Variants in AGMO observed in about 807,000 individuals in gnomAD.
AGMO encodes glyceryl-ether monooxygenase.
Under a neutral mutation model 60.2 loss-of-function variants are expected in AGMO, and 75 were observed. That is an observed-to-expected ratio of 1.25 (90% confidence interval 1.03 to 1.51). AGMO has a LOEUF of 1.51. Ranked by LOEUF, AGMO falls within the 40% of genes most tolerant of loss-of-function variation. AGMO has a pLI of 0.00. For missense variants in AGMO, 763 were observed against 525.5 expected, an observed-to-expected ratio of 1.45 and a Z score of -4.42; for synonymous variants, 261 against 177.1, an observed-to-expected ratio of 1.47 and a Z score of -3.76.
chr7:15,561,417 C>T (rs572158734), intron 1 of AGMO, among the ~76,000 whole-genome samples: 1 of 152,248 alleles, frequency 6.6e-6, no homozygotes, highest in Non-Finnish European at 1.5e-5. Context: ...AACTATTTGT[C>T]ATTGAGCTTC....
rs192130808 is a variant in AGMO, at chr7:15,304,147, C to G, written c.1263+61367G>C. Among the ~76,000 whole-genome samples, 23 of 152,232 alleles carry G rather than the reference C, an allele frequency of 1.5e-4. No individual in the cohort carries two copies. The East Asian group carries it at 3.9e-3, about 26-fold the overall frequency. ...TTATTCTATGAAATAAGTGGGCTCT[C>G]TGCTCAAAATATTAATAGCTGGAAA... is the stretch of plus-strand genomic sequence containing the variant. On this transcript the variant is annotated intron_variant, in intron 12 of 12. Transcript: ENST00000342526.
At chr7:15,387,665 G>C (rs771158537) in intron 8 of AGMO, 125 bp from the exon 9 acceptor site, 80 of 790,354 alleles carry the variant, frequency 1.0e-4, no homozygotes, top group Non-Finnish European at 1.4e-4. Context: ...TGCCTGATTA[G>C]AGCAACAGAA....
At chr7:15,196,878 A>G (rs562688588), downstream of AGMO, among the ~76,000 whole-genome samples, 4 of 152,334 alleles carry the variant, frequency 2.6e-5, no homozygotes, top group Admixed American at 1.3e-4. Context: ...CTAGAGTTGT[A>G]GAATGTCAAA....
chr7:15,176,516 A>G, the AGMO span, among the ~76,000 whole-genome samples: 1 of 151,954 alleles, frequency 6.6e-6, no homozygotes, highest in Non-Finnish European at 1.5e-5. Context: ...CAACATGAGA[A>G]TAGTTTTTCC....
At chr7:15,454,601 A>ATGTG (rs762911188) in intron 3 of AGMO, among the ~76,000 whole-genome samples, 11 of 151,980 alleles carry the variant, frequency 7.2e-5, no homozygotes, top group Non-Finnish European at 1.0e-4. Context: ...GTGTGTGTGT[A>ATGTG]TGTGTGTGTA....
Position 15,390,729 on chromosome 7 carries a change from T to G in AGMO, c.764A>C (p.Glu255Ala). The G allele has an allele frequency of 6.2e-7, 1 of 1,611,458 alleles. No individual in the cohort carries two copies. The highest frequency in any genetic ancestry group is 8.5e-7 in the Non-Finnish European group (1 of 1,178,270). Residue 255 changes from glutamate (E) to alanine (A), a missense_variant, in exon 8 of 13, where the codon GAA becomes GCA. Coordinates refer to ENST00000342526, the MANE Select transcript of AGMO (RefSeq NM_001004320.2). Reference sequence around the variant, plus strand: ...ATGTGTTAAGCCATATACAACTTTTTCATTTTCTGCTTCAAATGTCCCTGG... The same window carrying G: ...ATGTGTTAAGCCATATACAACTTTTGCATTTTCTGCTTCAAATGTCCCTGG... ...KIFGTFEAEN[E>A]KVVYGLTHPI...
At chr7:15,552,957 G>T (rs1421197835) in intron 2 of AGMO, among the ~76,000 whole-genome samples, 1 of 151,958 alleles carries the variant, frequency 6.6e-6, no homozygotes. Flanking sequence ...TTAAGAAAAT[G>T]TGGCACATAT....
chr7:15,268,988 C>T (rs566943499), intron 12 of AGMO, among the ~76,000 whole-genome samples: 7 of 151,904 alleles, frequency 4.6e-5, no homozygotes, highest in Non-Finnish European at 7.4e-5. Flanking sequence ...GGTGGTGGAT[C>T]GTTTTACAAT....
intron 12 of AGMO, among the ~76,000 whole-genome samples, chr7:15,254,183 G>A (rs1354923026): frequency 6.6e-6 from 1 of 151,918 alleles, no homozygotes; most frequent in African/African-American, 2.4e-5. Context: ...TCTTAATAGT[G>A]CTACAATTTT....
chr7:15,487,121 G>A (rs558243075), intron 3 of AGMO, among the ~76,000 whole-genome samples: 5 of 152,270 alleles, frequency 3.3e-5, no homozygotes, highest in African/African-American at 1.2e-4. Flanking sequence ...TTAAAATAAT[G>A]TTGGGTGAAA....
At chr7:15,345,270 C>A (rs75448203) in intron 12 of AGMO, among the ~76,000 whole-genome samples, 1 of 151,956 alleles carries the variant, frequency 6.6e-6, no homozygotes, top group East Asian at 1.9e-4. Context: ...GCTGTTCTTC[C>A]CATTTTATGG....
intron 3 of AGMO, among the ~76,000 whole-genome samples, chr7:15,461,008 C>T (rs143080797): frequency 0.028 from 4,296 of 152,168 alleles, 80 homozygotes; most frequent in Middle Eastern, 0.041. Context: ...TGTGGGCCTA[C>T]TGTGTGACCT....
At chr7:15,432,333 T>TATATATATATATATACATAC (rs1562504317) in intron 3 of AGMO, among the ~76,000 whole-genome samples, 4 of 135,198 alleles carry the variant, frequency 3.0e-5, no homozygotes, top group African/African-American at 8.4e-5. Context: ...TATATGTATA[T>TATATATATATATATACATAC]ATATATATAT....
chr7:15,345,945 T>C lies in AGMO; in HGVS notation c.1263+19569A>G, dbSNP rs867857230. Among the ~76,000 whole-genome samples the C allele has an allele frequency of 3.7e-4, 56 of 152,106 alleles. 1 individual carries two copies. The highest frequency in any genetic ancestry group is 1.3e-3 in the African/African-American group (52 of 41,440). On this transcript the variant is annotated intron_variant, in intron 12 of 12. Transcript: ENST00000342526. The stretch of plus-strand genomic sequence containing the variant: ...TAATCCAAGTGAGGGAAATGAAACA[T>C]CAATGTTTTAATTCCAATATATTAA...
In AGMO at chr7:15,435,022, A is replaced by G. The variant is rs150779888; in HGVS notation, c.410-3914T>C. 2.2e-4 allele frequency among the ~76,000 whole-genome samples: 34 copies of G among 151,852 alleles called. No homozygotes were observed. The East Asian group carries it at 6.4e-3, about 29-fold the overall frequency. On this transcript the variant is annotated intron_variant, in intron 3 of 12. Transcript: ENST00000342526. ...AGCATAATGCATTGAAGATCCCTTC[A>G]TTTTGCTGTTTTTATGAGTAGTTTT...
At chr7:15,394,245 C>G in intron 5 of AGMO, 66 bp from the exon 6 acceptor site, 1 of 1,176,190 alleles carries the variant, frequency 8.5e-7, no homozygotes, top group Non-Finnish European at 1.3e-6. Context: ...TATATAAATG[C>G]TCACATTAGA....
chr7:15,382,407 A>G (rs2128481780), intron 10 of AGMO, among the ~76,000 whole-genome samples: 1 of 152,290 alleles, frequency 6.6e-6, no homozygotes, highest in Non-Finnish European at 1.5e-5. Flanking sequence ...TACTTGGTAT[A>G]ATTTACTCAT....
At chr7:15,386,948 G>A (rs896851124) in intron 9 of AGMO, among the ~76,000 whole-genome samples, 5 of 152,122 alleles carry the variant, frequency 3.3e-5, no homozygotes, top group African/African-American at 1.2e-4. Context: ...TATAGTTATG[G>A]TTTGACCCAA....
At chr7:15,351,657 C>A (rs1782247025) in intron 12 of AGMO, among the ~76,000 whole-genome samples, 1 of 152,128 alleles carries the variant, frequency 6.6e-6, no homozygotes, top group South Asian at 2.1e-4. Flanking sequence ...TTCAATTTGG[C>A]TTTAGGAAAA....
Sources: gnomAD v4.1 joint callset for allele counts (sites outside exome capture counted in the v4.1 genomes callset) on GRCh38, gnomAD v4.1.1 for gene constraint, MANE v1.5 for transcripts, NCBI Gene and HGNC (gene_info 2026-07-23, HGNC 2026-07-21) for gene names.